The following ROCK1 variants were observed in gnomAD, a reference collection of about 807,000 sequenced individuals.
The protein encoded by ROCK1 is rho-associated protein kinase 1.
A neutral mutation model predicts 196.8 loss-of-function variants in ROCK1; 36 were observed. The ratio of observed to expected loss-of-function variants is 0.18; its 90% CI spans 0.14 to 0.24. ROCK1 has a LOEUF of 0.24. Ranked by LOEUF, ROCK1 falls within the 10% of genes least tolerant of loss-of-function variation. ROCK1 has a pLI of 1.00. For synonymous variants in ROCK1, 443 were observed against 515.9 expected (o/e 0.86, Z 1.91); for missense variants, 920 against 1,562.0 (o/e 0.59, Z 6.93).
chr18:21,084,634 C>T (rs557064259), intron 1 of ROCK1, among the ~76,000 whole-genome samples: 4 of 152,176 alleles, frequency 2.6e-5, no homozygotes, highest in East Asian at 1.9e-4. Flanking sequence ...TGGAATGAAA[C>T]GTAATGAAAC....
intron 3 of ROCK1, among the ~76,000 whole-genome samples, 187 bp from the exon 4 acceptor site, chr18:21,049,416 A>C (rs1017583987): frequency 2.0e-5 from 3 of 152,210 alleles, no homozygotes; most frequent in Admixed American, 1.3e-4. Context: ...TAATTATCAG[A>C]AGTAATGTTT....
chr18:20,996,197 C>A (rs1313060974), intron 16 of ROCK1, among the ~76,000 whole-genome samples: 1 of 152,086 alleles, frequency 6.6e-6, no homozygotes, highest in Non-Finnish European at 1.5e-5. Context: ...AGAATCCCAT[C>A]AGATAAATTT....
At chr18:20,987,625 C>T (rs534212093) in intron 18 of ROCK1, among the ~76,000 whole-genome samples, 2 of 152,240 alleles carry the variant, frequency 1.3e-5, no homozygotes, top group East Asian at 3.9e-4. Flanking sequence ...TACACTGAGG[C>T]TCCTTTTTTG....
chr18:21,012,218 T>C (rs540333645), intron 13 of ROCK1, among the ~76,000 whole-genome samples: 49 of 152,346 alleles, frequency 3.2e-4, no homozygotes, highest in African/African-American at 1.2e-3. Flanking sequence ...CCCAAAGTGT[T>C]GGGATTACAG....
chr18:20,959,019 T>TATAATATATATTTTTTATAAAAA lies in ROCK1; in HGVS notation c.3512+820_3512+821insTTTTTATAAAAAATATATATTAT, dbSNP rs1316509755. 3.1e-3 allele frequency among the ~76,000 whole-genome samples: 218 copies of TATAATATATATTTTTTATAAAAA among 70,820 alleles called. 5 individuals carry two copies. The highest frequency in any genetic ancestry group is 0.014 in the African/African-American group (207 of 14,762). 46.5% of individuals were successfully genotyped at this position (70,820 alleles called of 152,430 possible). A position where few individuals can be genotyped will look rare whatever the true frequency, so the allele number is the denominator to read the frequency against. On this transcript the variant is annotated intron_variant, in intron 29 of 32. Coordinates refer to ENST00000399799, the MANE Select transcript of ROCK1 (RefSeq NM_005406.3). ...TAATATATATATTTTATATAATATATATAATATATATATTTTATATAATAT... is the reference window on the plus strand; with the variant it reads ...TAATATATATATTTTATATAATATATATAATATATATTTTTTATAAAAAATAATATATATATTTTATATAATAT...
chr18:21,030,737 T>C (rs2035998509), intron 9 of ROCK1, among the ~76,000 whole-genome samples: 1 of 152,182 alleles, frequency 6.6e-6, no homozygotes, highest in Non-Finnish European at 1.5e-5. Flanking sequence ...GGAATAAACA[T>C]CAGTATATAT....
intron 1 of ROCK1, among the ~76,000 whole-genome samples, chr18:21,092,973 C>T (rs1281884916): frequency 1.3e-5 from 2 of 152,120 alleles, no homozygotes; most frequent in Non-Finnish European, 2.9e-5. Flanking sequence ...TAAATGAACT[C>T]CAATTTCCAC....
chr18:21,066,656 C>G (rs2143545186), intron 2 of ROCK1, among the ~76,000 whole-genome samples: 1 of 152,296 alleles, frequency 6.6e-6, no homozygotes, highest in Non-Finnish European at 1.5e-5. Context: ...TTTTGCATTT[C>G]CAGCATGTCC....
intron 18 of ROCK1, 99 bp from the exon 19 acceptor site, chr18:20,987,209 G>GT: frequency 9.5e-7 from 1 of 1,053,552 alleles, no homozygotes; most frequent in Non-Finnish European, 1.4e-6. Flanking sequence ...TGTCTCTATT[G>GT]TTTTTATTCT....
chr18:21,052,785 C>T (rs2036214549), intron 2 of ROCK1, among the ~76,000 whole-genome samples: 2 of 151,968 alleles, frequency 1.3e-5, no homozygotes, highest in South Asian at 2.1e-4. Flanking sequence ...TAAAACCATC[C>T]CGTCTGCCAC....
chr18:20,978,899 C>T (rs1016354497), intron 22 of ROCK1, among the ~76,000 whole-genome samples: 3 of 152,192 alleles, frequency 2.0e-5, no homozygotes, highest in African/African-American at 7.2e-5. Context: ...ATTAGTTTTG[C>T]TGTTTTCTGT....
Position 21,102,845 on chromosome 18 carries a change from G to A in ROCK1, c.93+7973C>T, listed in dbSNP as rs1321992651. On this transcript the variant is annotated intron_variant, in intron 1 of 32. Transcript: ENST00000399799. ...CATGCCACCACACTTCAGCCTGGGT[G>A]ACAGGGCCAGACCCTGTCTCAAAAA... Among the ~76,000 whole-genome samples the A allele has an allele frequency of 4.0e-5, 6 of 151,460 alleles. No individual in the cohort carries two copies. In the East Asian group the frequency reaches 5.9e-4, roughly 15 times the overall value.
chr18:21,106,218 C>T (rs1255920651), intron 1 of ROCK1, among the ~76,000 whole-genome samples: 2 of 152,146 alleles, frequency 1.3e-5, no homozygotes, highest in East Asian at 3.8e-4. Context: ...AGCGATGTGC[C>T]AATAAATATG....
chr18:21,044,280 A>G, intron 5 of ROCK1, 94 bp from the exon 6 acceptor site: 1 of 842,206 alleles, frequency 1.2e-6, no homozygotes, highest in Non-Finnish European at 1.9e-6. Context: ...AGCATCCTCA[A>G]TCTAGGTAAG....
Position 20,970,495 on chromosome 18 carries a change from C to A in ROCK1, c.2673G>T (p.Gln891His). The A allele has an allele frequency of 6.2e-7, 1 of 1,607,550 alleles. No homozygotes were observed. ...CAGCTTTTGTTTCTGCTAGATCCAA[C>A]TGAGTAGCAAGAGTTTCTCTGCAAC... is the stretch of plus-strand genomic sequence containing the variant. Reference protein sequence around the residue: ...LQNEKETLATQLDLAETKAES... With the variant: ...LQNEKETLATHLDLAETKAES... Residue 891 changes from glutamine (Q) to histidine (H), a missense_variant, in exon 23 of 33, where the codon CAG becomes CAT. Gln to His is a conservative substitution (Grantham distance 24). This residue lies in a region of ROCK1 where 520 missense variants were observed against 657.1 expected (regional missense o/e 0.79). Coordinates refer to ENST00000399799, the MANE Select transcript of ROCK1 (RefSeq NM_005406.3).
intron 2 of ROCK1, among the ~76,000 whole-genome samples, chr18:21,069,413 CAGTTA>C (rs2036365062): frequency 6.6e-6 from 1 of 151,950 alleles, no homozygotes; most frequent in Admixed American, 6.6e-5. Context: ...ACAGGTTTAC[CAGTTA>C]AAACAGTTTA....
chr18:20,951,678 TA>T (rs2035189362), intron 32 of ROCK1, among the ~76,000 whole-genome samples: 1 of 152,184 alleles, frequency 6.6e-6, no homozygotes, highest in South Asian at 2.1e-4. Context: ...AAGTTAGCAG[TA>T]AGGTGATAAT....
chr18:21,017,812 G>C (rs2035877056), intron 12 of ROCK1, among the ~76,000 whole-genome samples: 1 of 151,236 alleles, frequency 6.6e-6, no homozygotes, highest in Admixed American at 6.6e-5. Flanking sequence ...CTCTACTAAA[G>C]AATTCAAAAA....
intron 1 of ROCK1, among the ~76,000 whole-genome samples, chr18:21,103,036 G>A (rs1002338201): frequency 3.9e-5 from 6 of 152,198 alleles, no homozygotes; most frequent in East Asian, 1.9e-4. Context: ...GACTTTGGAC[G>A]TTAATTTGAA....
Sources: gnomAD v4.1 joint callset for allele counts (sites outside exome capture counted in the v4.1 genomes callset) on GRCh38, gnomAD v4.1.1 for gene constraint, gnomAD v4.1.1 regional missense constraint, MANE v1.5 for transcripts, NCBI Gene and HGNC (gene_info 2026-07-23, HGNC 2026-07-21) for gene names.